The following POLR3B variants were observed in gnomAD, a reference collection of about 807,000 sequenced individuals.
The protein encoded by POLR3B is DNA-directed RNA polymerase III subunit RPC2.
Under a neutral mutation model 147.4 loss-of-function variants are expected in POLR3B, and 96 were observed. That is an observed-to-expected ratio of 0.65 (90% CI 0.55 to 0.77). The LOEUF (loss-of-function observed/expected upper bound fraction) is 0.77, where lower values mean the gene tolerates loss of function less well. Among genes scored for constraint, POLR3B ranks in the 30% least tolerant of loss-of-function variants. The pLI is 0.00. For missense variants in POLR3B, 1,036 were observed against 1,413.5 expected (o/e 0.73, Z 4.28); for synonymous variants, 461 against 485.9 (o/e 0.95, Z 0.67).
intron 9 of POLR3B, among the ~76,000 whole-genome samples, chr12:106,392,559 C>G (rs1169384115): frequency 6.6e-6 from 1 of 152,124 alleles, no homozygotes; most frequent in African/African-American, 2.4e-5. Context: ...AGGAAAAATT[C>G]TTTTCCTTTT....
intron 12 of POLR3B, among the ~76,000 whole-genome samples, chr12:106,417,181 C>T (rs1381008149): frequency 6.6e-6 from 1 of 152,124 alleles, no homozygotes; most frequent in Non-Finnish European, 1.5e-5. Flanking sequence ...TATGTGCAGG[C>T]CGATATTTGA....
chr12:106,495,365 G>A (rs148228563), intron 23 of POLR3B, among the ~76,000 whole-genome samples: 199 of 151,662 alleles, frequency 1.3e-3, no homozygotes, highest in African/African-American at 4.5e-3. Flanking sequence ...TTCCAAGAAC[G>A]ATTTGGTATT....
At chr12:106,372,580 A>G (rs1593003497) in intron 6 of POLR3B, among the ~76,000 whole-genome samples, 1 of 151,756 alleles carries the variant, frequency 6.6e-6, no homozygotes, top group East Asian at 1.9e-4. Context: ...ACCTCATGTG[A>G]TCCACTCGCC....
chr12:106,467,711 CAT>C (rs1290558247), intron 23 of POLR3B, among the ~76,000 whole-genome samples: 2 of 152,278 alleles, frequency 1.3e-5, no homozygotes, highest in African/African-American at 4.8e-5. Flanking sequence ...TTGAGATAAT[CAT>C]GTGGTTTTTG....
chr12:106,389,601 G>C (rs1470220529), intron 9 of POLR3B, among the ~76,000 whole-genome samples: 1 of 147,926 alleles, frequency 6.8e-6, no homozygotes, highest in Admixed American at 6.8e-5. Context: ...AGGATTTCAG[G>C]TTTTTTTTTT....
At chr12:106,372,661 C>T (rs1049503718) in intron 6 of POLR3B, among the ~76,000 whole-genome samples, 2 of 151,960 alleles carry the variant, frequency 1.3e-5, no homozygotes, top group South Asian at 2.1e-4. Flanking sequence ...ACTTTAAATG[C>T]GATGCTTTGA....
At chr12:106,378,413 G>T in intron 8 of POLR3B, 29 bp downstream of exon 8, 1 of 1,368,736 alleles carries the variant, frequency 7.3e-7, no homozygotes. Flanking sequence ...GTGTCCTTAA[G>T]CAATATTGGT....
chr12:106,425,391 G>A (rs999994154), intron 12 of POLR3B, among the ~76,000 whole-genome samples: 1 of 152,182 alleles, frequency 6.6e-6, no homozygotes, highest in Non-Finnish European at 1.5e-5. Flanking sequence ...GTAGACTGTT[G>A]TTGCTAGTTA....
intron 27 of POLR3B, among the ~76,000 whole-genome samples, chr12:106,508,258 G>A (rs1220234325): frequency 6.6e-6 from 1 of 152,088 alleles, no homozygotes; most frequent in Non-Finnish European, 1.5e-5. Flanking sequence ...CAGCATTCTT[G>A]TGCACATACC....
intron 16 of POLR3B, among the ~76,000 whole-genome samples, chr12:106,435,230 C>T (rs1270237835): frequency 1.3e-5 from 2 of 151,600 alleles, no homozygotes; most frequent in East Asian, 3.9e-4. Flanking sequence ...CAGGTTCAAG[C>T]GATTCTCATG....
chr12:106,464,600 A>G (rs1206914436), intron 23 of POLR3B, among the ~76,000 whole-genome samples: 1 of 152,230 alleles, frequency 6.6e-6, no homozygotes, highest in East Asian at 1.9e-4. Flanking sequence ...CCTGGCACAC[A>G]TAGTAAGTGC....
chr12:106,468,288 G>A (rs189720169), intron 23 of POLR3B, among the ~76,000 whole-genome samples: 121 of 152,126 alleles, frequency 8.0e-4, no homozygotes, highest in Non-Finnish European at 1.3e-3. Flanking sequence ...CTGTGGGATC[G>A]GTGGTGATGT....
Position 106,504,329 on chromosome 12 carries a change from C to A in POLR3B, c.3272+75C>A. 8.3e-7 allele frequency: 1 copy of A among 1,200,568 alleles called. No individual in the cohort carries two copies. Among genetic ancestry groups the A allele is most frequent in the South Asian group, 1.2e-5 (1 of 82,596 alleles). The allele number at this position is 1,200,568 out of a possible 1,614,324, so 74.4% of individuals were successfully genotyped here. On this transcript the variant is annotated intron_variant, in intron 27 of 27. Transcript: ENST00000228347. This position sits in a 1 kb window ranked among gnomAD's most constrained non-coding sequence, Gnocchi z 4.6. ...CACAGCTCAAGAATTGACCCTGGAT[C>A]CTATCCGCATATTCTCCAGCCTCTG...
At chr12:106,397,786 T>C (rs1409757855) in intron 10 of POLR3B, among the ~76,000 whole-genome samples, 1 of 152,246 alleles carries the variant, frequency 6.6e-6, no homozygotes, top group African/African-American at 2.4e-5. Flanking sequence ...TAAATAAGAC[T>C]GTATAAGCAA....
chr12:106,402,995 A>C (rs1341427087), intron 10 of POLR3B, among the ~76,000 whole-genome samples: 1 of 152,050 alleles, frequency 6.6e-6, no homozygotes, highest in Non-Finnish European at 1.5e-5. Flanking sequence ...TGCACAGCAA[A>C]AGAAACTACC....
chr12:106,397,287 TCTTA>T (rs930279631), intron 10 of POLR3B, among the ~76,000 whole-genome samples: 6 of 152,202 alleles, frequency 3.9e-5, no homozygotes, highest in African/African-American at 1.4e-4. Context: ...TTGTCAACAC[TCTTA>T]CTTGGTTATT....
intron 22 of POLR3B, among the ~76,000 whole-genome samples, chr12:106,462,888 A>G (rs2037959441): frequency 6.6e-6 from 1 of 152,048 alleles, no homozygotes; most frequent in African/African-American, 2.4e-5. Flanking sequence ...CCCCAGCAGA[A>G]TTGACTATCT....
intron 10 of POLR3B, among the ~76,000 whole-genome samples, chr12:106,395,893 C>G (rs2036972304): frequency 1.3e-5 from 2 of 152,028 alleles, no homozygotes; most frequent in East Asian, 3.9e-4. Context: ...TCGCTTGAAC[C>G]CAGGAGGCGG....
At chr12:106,436,593 C>G (rs376869158) in intron 16 of POLR3B, among the ~76,000 whole-genome samples, 11 of 152,298 alleles carry the variant, frequency 7.2e-5, no homozygotes, top group African/African-American at 1.7e-4. Flanking sequence ...CGTTATTACC[C>G]TAGGTGACAG....
Sources: gnomAD v4.1 joint callset for allele counts (sites outside exome capture counted in the v4.1 genomes callset) on GRCh38, gnomAD v4.1.1 for gene constraint, Gnocchi (gnomAD v3.1) non-coding constraint, MANE v1.5 for transcripts, NCBI Gene and HGNC (gene_info 2026-07-23, HGNC 2026-07-21) for gene names.